The following GPR84 variants were observed in gnomAD, a reference collection of about 807,000 sequenced individuals.
GPR84 encodes the protein G-protein coupled receptor 84.
In GPR84, 8 loss-of-function variants were observed where a neutral mutation model predicts 14.9. That is an observed-to-expected ratio of 0.54 (90% CI 0.31 to 0.97). The LOEUF (loss-of-function observed/expected upper bound fraction) is 0.97, where lower values mean the gene tolerates loss of function less well. GPR84 is among the 50% of genes least tolerant of loss of function. The pLI is 0.04. For missense variants in GPR84, 424 were observed against 498.7 expected (o/e 0.85, Z 1.43); for synonymous variants, 164 against 198.1 (o/e 0.83, Z 1.45).
At chr12:54,360,313 A>G (rs560759851), downstream of GPR84, among the ~76,000 whole-genome samples, 29 of 152,198 alleles carry the variant, frequency 1.9e-4, no homozygotes, top group South Asian at 5.8e-3. Flanking sequence ...TGAGGATTAC[A>G]TGAAATAATA....
At chr12:54,353,710 G>A in the GPR84 span, 1 of 152,334 alleles carries the variant, frequency 6.6e-6, no homozygotes, top group Non-Finnish European at 1.5e-5. Flanking sequence ...GGGCAAAGGT[G>A]ATTAGCCTTC....
rs149149231 is a variant in GPR84, at chr12:54,363,680, G to A, written c.172C>T (p.Leu58Phe). ...QPKLRTRFNL[L>F]IANLTLADLL... ...TCAGCCAGTGTGAGGTTGGCTATGA[G>A]CAGGTTGAATCGGGTACGGAGCTTG... Residue 58 changes from leucine (L) to phenylalanine (F), a missense_variant, in exon 2 of 2, where the codon CTC becomes TTC. Physicochemically the swap from Leu to Phe is conservative, Grantham distance 22. Coordinates refer to ENST00000267015, the MANE Select transcript of GPR84 (RefSeq NM_020370.3). 1.1e-3 allele frequency: 1,853 copies of A among 1,614,142 alleles called. No homozygotes were observed. Among genetic ancestry groups the A allele is most frequent in the Non-Finnish European group, 1.5e-3 (1,744 of 1,179,994 alleles).
rs765356713 is a variant in GPR84 at position 54,363,638 on chromosome 12, G to A, written c.214C>T (p.Leu72Phe). Reference protein sequence around the residue: ...LTLADLLYCTLLQPFSVDTYL... With the variant: ...LTLADLLYCTFLQPFSVDTYL... Reference sequence around the variant, plus strand: ...GTGTCCACAGAGAAGGGCTGAAGGAGCGTGCAGTAGAGGAGATCAGCCAGT... The same window carrying A: ...GTGTCCACAGAGAAGGGCTGAAGGAACGTGCAGTAGAGGAGATCAGCCAGT... The change falls in exon 2 of 2, where the codon CTC becomes TTC. Residue 72 changes from leucine (L) to phenylalanine (F), a missense_variant. Physicochemically the swap from Leu to Phe is conservative, Grantham distance 22. Transcript: ENST00000267015. 9 of 1,614,010 alleles carry A rather than the reference G, an allele frequency of 5.6e-6. 1 individual carries two copies. Among genetic ancestry groups the A allele is most frequent in the Non-Finnish European group, 7.6e-6 (9 of 1,179,886 alleles).
rs749770390 is a variant in GPR84, at chr12:54,362,928, C to T, written c.924G>A (p.Pro308=). ...CCTTCCCAAATTCCGATGAAGAATC[C>T]GGAGCTCTTCTGGCTCCTTTAATTG... The part of the protein sequence containing the change: ...AQPIKGARRA[P]DSSSEFGKVT... The change falls in exon 2 of 2, where the codon CCG becomes CCA. Residue 308 remains proline (P), a synonymous_variant. Coordinates refer to ENST00000267015, the MANE Select transcript of GPR84 (RefSeq NM_020370.3). This position sits in a 1 kb window ranked among gnomAD's most constrained non-coding sequence, Gnocchi z 4.0. 78 of 1,614,074 alleles carry T rather than the reference C, an allele frequency of 4.8e-5. No homozygotes were observed. The highest frequency in any genetic ancestry group is 1.6e-4 in the Middle Eastern group (1 of 6,084).
At chr12:54,350,804 C>T in the GPR84 span, 5 of 487,250 alleles carry the variant, frequency 1.0e-5, no homozygotes, top group Middle Eastern at 5.6e-4. Context: ...CTCACATGCT[C>T]CCTTGCCCTG....
chr12:54,364,065 A>G, intron 1 of GPR84: 2 of 462,580 alleles, frequency 4.3e-6, no homozygotes, highest in Non-Finnish European at 7.6e-6. Flanking sequence ...CCATTCTCAA[A>G]TATTTCCCCA....
chr12:54,356,545 AGT>A, the GPR84 span, among the ~76,000 whole-genome samples: 2 of 152,136 alleles, frequency 1.3e-5, no homozygotes, highest in East Asian at 3.8e-4. Context: ...CTAGAATCTC[AGT>A]GTGTCAGAAG....
downstream of GPR84, chr12:54,362,374 TCTC>T (rs1481398784): frequency 6.4e-5 from 20 of 313,394 alleles, no homozygotes; most frequent in Non-Finnish European, 1.1e-4. This position sits in a 1 kb window ranked among gnomAD's most constrained non-coding sequence, Gnocchi z 4.0. Flanking sequence ...AATAGTATGG[TCTC>T]CTCCTAGCCT....
Position 54,363,691 on chromosome 12 carries a change from C to A in GPR84, c.161G>T (p.Arg54Leu). 6.2e-7 allele frequency: 1 copy of A among 1,613,972 alleles called. No individual in the cohort carries two copies. The highest frequency in any genetic ancestry group is 1.1e-5 in the South Asian group (1 of 91,064). The change falls in exon 2 of 2, where the codon CGA (arginine) becomes CTA (leucine). Residue 54 changes from arginine (R) to leucine (L), a missense_variant. Arg to Leu is a moderately radical substitution (Grantham distance 102). Coordinates refer to ENST00000267015, the MANE Select transcript of GPR84 (RefSeq NM_020370.3). ...ALAIQPKLRT[R>L]FNLLIANLTL... ...GAGGTTGGCTATGAGCAGGTTGAAT[C>A]GGGTACGGAGCTTGGGCTGGATGGC... is the stretch of plus-strand genomic sequence containing the variant.
chr12:54,353,158 G>C, the GPR84 span, among the ~76,000 whole-genome samples: 1 of 152,192 alleles, frequency 6.6e-6, no homozygotes, highest in African/African-American at 2.4e-5. Flanking sequence ...GGCCTACCCA[G>C]TCTTTTGGCC....
chr12:54,357,776 A>G (rs1031632118), downstream of GPR84, among the ~76,000 whole-genome samples: 5 of 152,128 alleles, frequency 3.3e-5, no homozygotes, highest in Admixed American at 2.6e-4. Flanking sequence ...TATCTCCCCT[A>G]TTCCTCAGCA....
the GPR84 span, among the ~76,000 whole-genome samples, chr12:54,355,434 C>T: frequency 4.4e-4 from 67 of 152,178 alleles, no homozygotes; most frequent in Non-Finnish European, 8.8e-4. Flanking sequence ...TCAGCAGTCT[C>T]TTTCCTTGAG....
chr12:54,362,466 A>G lies in GPR84; in HGVS notation c.*195T>C. ...AGCATTAAAAGCACAGAATTCATTT[A>G]TTAATAATTAATAATACTCCTTGGG... On this transcript the variant is annotated 3_prime_UTR_variant, in exon 2 of 2. Transcript: ENST00000267015. The surrounding 1 kb of genome is among the most constrained non-coding windows in gnomAD (Gnocchi z 4.0). 1.9e-6 allele frequency: 1 copy of G among 533,484 alleles called. No individual in the cohort carries two copies. The highest frequency in any genetic ancestry group is 3.4e-6 in the Non-Finnish European group (1 of 295,914). 33.0% of individuals were successfully genotyped at this position (533,484 alleles called of 1,614,324 possible).
At position 54,363,131 on chromosome 12, in the gene GPR84, G is replaced by T; in HGVS notation, c.721C>A (p.Leu241Met). 1.2e-6 allele frequency: 2 copies of T among 1,614,224 alleles called. No homozygotes were observed. Among genetic ancestry groups the T allele is most frequent in the Non-Finnish European group, 1.7e-6 (2 of 1,180,040 alleles). ...CCTCCTGATGCTAACCTGCTGTCCAGCTCCTGGAAACGACCAGGCATGGCC... is the reference window on the plus strand; with the variant it reads ...CCTCCTGATGCTAACCTGCTGTCCATCTCCTGGAAACGACCAGGCATGGCC... ...DEAMPGRFQE[L>M]DSRLASGGPS... The change falls in exon 2 of 2, where the codon CTG becomes ATG. Residue 241 changes from leucine (L) to methionine (M), a missense_variant. Physicochemically the swap from Leu to Met is conservative, Grantham distance 15. Coordinates refer to ENST00000267015, the MANE Select transcript of GPR84 (RefSeq NM_020370.3).
rs1954300726 is a variant in GPR84 at position 54,363,874 on chromosome 12, G to A, written c.-8-15C>T. On this transcript the variant is annotated splice_polypyrimidine_tract_variant and intron_variant, in intron 1 of 1. Coordinates refer to ENST00000267015, the MANE Select transcript of GPR84 (RefSeq NM_020370.3). ...CATGATAGAGGCTAAAGAGGCAGAG[G>A]GTGGAAGAGGAAGAGGGAATCAGAA... 2 of 1,510,808 alleles carry A rather than the reference G, an allele frequency of 1.3e-6. No homozygotes were observed. Among genetic ancestry groups the A allele is most frequent in the East Asian group, 2.3e-5 (1 of 44,140 alleles). The allele number at this position is 1,510,808 out of a possible 1,614,324, so 93.6% of individuals were successfully genotyped here. A position where few individuals can be genotyped will look rare whatever the true frequency, so the allele number is the denominator to read the frequency against.
At chr12:54,360,938 G>A (rs1954262077), downstream of GPR84, among the ~76,000 whole-genome samples, 1 of 152,060 alleles carries the variant, frequency 6.6e-6, no homozygotes, top group South Asian at 2.1e-4. Context: ...AAGATCCCTG[G>A]GTCTCTACTC....
chr12:54,360,955 CA>C (rs1467272818), downstream of GPR84, among the ~76,000 whole-genome samples: 1 of 152,182 alleles, frequency 6.6e-6, no homozygotes, highest in East Asian at 1.9e-4. Flanking sequence ...ACTCCCTGGT[CA>C]GGGGTCTCTG....
chr12:54,354,178 G>C, the GPR84 span, among the ~76,000 whole-genome samples: 1 of 148,046 alleles, frequency 6.8e-6, no homozygotes, highest in Non-Finnish European at 1.5e-5. Context: ...GCAGTGGCAT[G>C]ATCGTAGGTC....
the GPR84 span, among the ~76,000 whole-genome samples, chr12:54,356,519 C>T: frequency 1.5e-4 from 23 of 152,298 alleles, 1 homozygote; most frequent in South Asian, 4.8e-3. Context: ...CCCTTGGAAG[C>T]CCACCACCAG....
Sources: gnomAD v4.1 joint callset for allele counts (sites outside exome capture counted in the v4.1 genomes callset) on GRCh38, gnomAD v4.1.1 for gene constraint, Gnocchi (gnomAD v3.1) non-coding constraint, MANE v1.5 for transcripts, NCBI Gene and HGNC (gene_info 2026-07-23, HGNC 2026-07-21) for gene names.